CNNM2: variants seen among roughly 807,000 people sequenced by gnomAD.
CNNM2 encodes metal transporter CNNM2.
A neutral mutation model predicts 66.9 loss-of-function variants in CNNM2; 12 were observed. That is an observed-to-expected ratio of 0.18 (90% CI 0.11 to 0.29). The LOEUF (loss-of-function observed/expected upper bound fraction) is 0.29. CNNM2 is among the 10% of genes least tolerant of loss of function. CNNM2 has a pLI of 1.00. For synonymous variants in CNNM2, 557 were observed against 501.8 expected, an observed-to-expected ratio of 1.11 and a Z score of -1.47; for missense variants, 705 against 1,167.7, an observed-to-expected ratio of 0.60 and a Z score of 5.77.
At chr10:103,057,416 T>C (rs1362337832) in intron 4 of CNNM2, among the ~76,000 whole-genome samples, 1 of 151,364 alleles carries the variant, frequency 6.6e-6, no homozygotes, top group East Asian at 1.9e-4. Flanking sequence ...GAGGTTGCCA[T>C]GTTTGCACCA....
intron 1 of CNNM2, among the ~76,000 whole-genome samples, chr10:102,936,423 C>G (rs1846241647): frequency 6.6e-6 from 1 of 151,780 alleles, no homozygotes; most frequent in African/African-American, 2.4e-5. Context: ...AAAACCCTAC[C>G]TTTTAGTCAT....
intron 1 of CNNM2, among the ~76,000 whole-genome samples, chr10:102,988,907 A>G (rs879617310): frequency 6.6e-6 from 1 of 152,190 alleles, no homozygotes; most frequent in Non-Finnish European, 1.5e-5. Context: ...TCACCTGTGA[A>G]TGAGCCCTTT....
intron 1 of CNNM2, among the ~76,000 whole-genome samples, chr10:103,022,323 G>A (rs540931912): frequency 6.6e-6 from 1 of 152,276 alleles, no homozygotes; most frequent in African/African-American, 2.4e-5. Flanking sequence ...AATCTTCAAA[G>A]CAGCTCTTTG....
chr10:102,949,841 C>T (rs979799791), intron 1 of CNNM2, among the ~76,000 whole-genome samples: 2 of 152,040 alleles, frequency 1.3e-5, no homozygotes, highest in Non-Finnish European at 2.9e-5. Flanking sequence ...AAATAAATCA[C>T]TACTACCTTC....
At chr10:103,059,442 T>C (rs1336320161) in intron 4 of CNNM2, among the ~76,000 whole-genome samples, 1 of 152,188 alleles carries the variant, frequency 6.6e-6, no homozygotes, top group African/African-American at 2.4e-5. Flanking sequence ...AAGCCCTAGA[T>C]AAGATAAATT....
intron 1 of CNNM2, among the ~76,000 whole-genome samples, 199 bp from the exon 2 acceptor site, chr10:103,049,508 C>G (rs1213476580): frequency 6.6e-6 from 1 of 152,198 alleles, no homozygotes; most frequent in Non-Finnish European, 1.5e-5. Context: ...TGACGCTCTT[C>G]TGGCGTAACT....
At chr10:102,981,961 G>A (rs1371568549) in intron 1 of CNNM2, among the ~76,000 whole-genome samples, 1 of 151,720 alleles carries the variant, frequency 6.6e-6, no homozygotes, top group African/African-American at 2.4e-5. Flanking sequence ...GCCAAGGTGT[G>A]CTTTTCTCAT....
chr10:103,011,761 T>C (rs370592281), intron 1 of CNNM2, among the ~76,000 whole-genome samples: 14 of 151,816 alleles, frequency 9.2e-5, no homozygotes, highest in African/African-American at 3.1e-4. Context: ...TGATCTTGGC[T>C]CACTGCAACC....
rs1469518805 is a variant in CNNM2 at position 102,919,566 on chromosome 10, C to T, written c.1086C>T (p.Ala362=). 3.1e-6 allele frequency: 5 copies of T among 1,613,564 alleles called. No individual in the cohort carries two copies. The highest frequency in any genetic ancestry group is 1.3e-5 in the African/African-American group (1 of 75,062). The part of the protein sequence containing the change: ...IVIFGEIVPQ[A]ICSRHGLAVG... Reference sequence around the variant, plus strand: ...TCTTCGGAGAGATCGTGCCCCAGGCCATCTGCTCCCGGCATGGCCTGGCTG... The same window carrying T: ...TCTTCGGAGAGATCGTGCCCCAGGCTATCTGCTCCCGGCATGGCCTGGCTG... The change falls in exon 1 of 8, where the codon GCC becomes GCT. Residue 362 remains alanine, a synonymous_variant. Transcript: ENST00000369878.
chr10:103,045,162 A>G (rs1017346923), intron 1 of CNNM2, among the ~76,000 whole-genome samples: 74 of 152,216 alleles, frequency 4.9e-4, no homozygotes, highest in African/African-American at 1.7e-3. Context: ...GGTCCTTGGG[A>G]AAGCAGATGT....
chr10:103,072,474 C>T (rs1346948782), intron 6 of CNNM2, among the ~76,000 whole-genome samples: 3 of 149,262 alleles, frequency 2.0e-5, no homozygotes, highest in African/African-American at 5.1e-5. Context: ...CAGGCGACCC[C>T]GCTTCTCCCC....
intron 1 of CNNM2, among the ~76,000 whole-genome samples, chr10:103,001,060 T>C (rs1198050460): frequency 1.3e-5 from 2 of 152,196 alleles, no homozygotes; most frequent in South Asian, 2.1e-4. Flanking sequence ...GAAGATAGTA[T>C]ACTAAGTGAA....
At position 102,918,520 on chromosome 10, in the gene CNNM2, G is replaced by C; in HGVS notation, c.40G>C (p.Ala14Pro). ...CGACEPKVKM[A>P]GGQAAAALPT... ...CGCTTGTGAACCCAAAGTAAAGATGGCGGGCGGGCAGGCAGCCGCCGCACT... is the reference window on the plus strand; with the variant it reads ...CGCTTGTGAACCCAAAGTAAAGATGCCGGGCGGGCAGGCAGCCGCCGCACT... The change falls in exon 1 of 8, where the codon GCG becomes CCG. Residue 14 changes from alanine to proline, a missense_variant. Ala to Pro is a conservative substitution (Grantham distance 27). Around this residue, in one of 9 missense-constraint regions of CNNM2, gnomAD observed 98 missense variants for 73.6 expected, o/e 1.33. Transcript: ENST00000369878. The surrounding 1 kb of genome is among the most constrained non-coding windows in gnomAD (Gnocchi z 4.1). 6.2e-7 allele frequency: 1 copy of C among 1,605,452 alleles called. No individual in the cohort carries two copies. The highest frequency in any genetic ancestry group is 8.5e-7 in the Non-Finnish European group (1 of 1,177,818).
chr10:102,949,418 G>A (rs553422789), intron 1 of CNNM2, among the ~76,000 whole-genome samples: 42 of 150,608 alleles, frequency 2.8e-4, no homozygotes, highest in South Asian at 2.6e-3. Flanking sequence ...CAGGTAATCC[G>A]CCTGCCTCAG....
intron 1 of CNNM2, among the ~76,000 whole-genome samples, chr10:103,028,439 A>G (rs1564851652): frequency 6.6e-6 from 1 of 152,336 alleles, no homozygotes; most frequent in African/African-American, 2.4e-5. Flanking sequence ...CTCAAGCACA[A>G]CAGAGGAAGG....
intron 1 of CNNM2, among the ~76,000 whole-genome samples, chr10:102,930,744 A>G (rs776460393): frequency 1.3e-5 from 2 of 152,104 alleles, no homozygotes; most frequent in Non-Finnish European, 2.9e-5. Context: ...CAACTAATTT[A>G]CTGTCTGTAT....
At chr10:102,980,510 T>C (rs1554894738) in intron 1 of CNNM2, among the ~76,000 whole-genome samples, 1 of 152,114 alleles carries the variant, frequency 6.6e-6, no homozygotes, top group Non-Finnish European at 1.5e-5. Context: ...GCTCAAGTGA[T>C]CTGCCCGCCT....
chr10:102,965,023 G>C (rs375001502), intron 1 of CNNM2, among the ~76,000 whole-genome samples: 1 of 152,178 alleles, frequency 6.6e-6, no homozygotes, highest in African/African-American at 2.4e-5. Flanking sequence ...AGGATGCAAG[G>C]CGCCATCTTG....
intron 4 of CNNM2, among the ~76,000 whole-genome samples, chr10:103,061,037 T>C (rs1418790671): frequency 1.3e-5 from 2 of 151,842 alleles, no homozygotes; most frequent in African/African-American, 4.8e-5. Flanking sequence ...AAAAAGAAAA[T>C]AGAACTATAA....
Sources: allele counts gnomAD v4.1 joint callset (sites outside exome capture counted in the v4.1 genomes callset), GRCh38; gene constraint gnomAD v4.1.1; regional missense constraint gnomAD v4.1.1; non-coding constraint Gnocchi (gnomAD v3.1); transcripts MANE v1.5; gene names NCBI Gene and HGNC (gene_info 2026-07-23, HGNC 2026-07-21).